Variants in SLC5A10 observed in about 807,000 individuals in gnomAD.
SLC5A10 encodes the protein solute carrier family 5 member 10, also known as sodium/mannose cotransporter SLC5A10.
A neutral mutation model predicts 68.9 loss-of-function variants in SLC5A10; 55 were observed. The ratio of observed to expected loss-of-function variants is 0.80; its 90% CI spans 0.64 to 1.00. SLC5A10 has a LOEUF of 1.00. Among genes scored for constraint, SLC5A10 ranks in the 50% least tolerant of loss-of-function variants. SLC5A10 has a pLI of 0.00. For synonymous variants in SLC5A10, 344 were observed against 344.8 expected (o/e 1.00, Z 0.02); for missense variants, 732 against 819.3 (o/e 0.89, Z 1.30).
Position 19,013,501 on chromosome 17 carries a change from G to A in SLC5A10, c.1074G>A (p.Met358Ile). The change falls in exon 10 of 15, where the codon ATG becomes ATA. Residue 358 changes from methionine (M) to isoleucine (I), a missense_variant. By Grantham distance (10) the Met-to-Ile change is conservative. Coordinates refer to ENST00000395645, the MANE Select transcript of SLC5A10 (RefSeq NM_001042450.4). ...ACATCGCCTACCCCAAGCTGGTCAT[G>A]GAACTGATGCCCATCGGTGAGGCTG... Reference protein sequence around the residue: ...CSNIAYPKLVMELMPIGLRGL... With the variant: ...CSNIAYPKLVIELMPIGLRGL... 1 of 1,514,068 alleles carries A rather than the reference G, an allele frequency of 6.6e-7. No homozygotes were observed. The highest frequency in any genetic ancestry group is 8.8e-7 in the Non-Finnish European group (1 of 1,131,286). 93.8% of individuals were successfully genotyped at this position (1,514,068 alleles called of 1,614,324 possible).
chr17:18,966,761 A>AAC (rs1401960125), intron 5 of SLC5A10, among the ~76,000 whole-genome samples: 2 of 147,392 alleles, frequency 1.4e-5, no homozygotes, highest in Non-Finnish European at 3.0e-5. Flanking sequence ...AAAAAAAAAA[A>AAC]AAAAACAACA....
chr17:18,966,816 G>T (rs920901693), intron 5 of SLC5A10, among the ~76,000 whole-genome samples: 19 of 152,140 alleles, frequency 1.2e-4, no homozygotes, highest in African/African-American at 4.3e-4. Context: ...GCACAGAGGA[G>T]AGCTGGCTAT....
In SLC5A10 at chr17:19,017,357, G is replaced by C. The variant is rs1214145545; in HGVS notation, c.1242-2066G>C. 1.9e-6 allele frequency: 3 copies of C among 1,551,948 alleles called. No homozygotes were observed. The East Asian group carries it at 7.3e-5, about 38-fold the overall frequency. On this transcript the variant is annotated intron_variant, in intron 11 of 14. Coordinates refer to ENST00000395645, the MANE Select transcript of SLC5A10 (RefSeq NM_001042450.4). This position sits in a 1 kb window ranked among gnomAD's most constrained non-coding sequence, Gnocchi z 5.6. ...CCTCCTGCCCGAAACACCACCATTG[G>C]AGCGGTATCTCCTAGGCCTCGTGGT...
chr17:19,009,019 C>A (rs1201444021), intron 9 of SLC5A10, among the ~76,000 whole-genome samples: 1 of 151,202 alleles, frequency 6.6e-6, no homozygotes, highest in Non-Finnish European at 1.5e-5. Context: ...CACCATCTTG[C>A]CCAGGCTGGT....
chr17:19,020,530 C>T lies in SLC5A10; in HGVS notation c.*99C>T. On this transcript the variant is annotated 3_prime_UTR_variant, in exon 15 of 15. Transcript: ENST00000395645. ...GGCCCCAAGAGGGGCAGATTCCCCTCACAGCTGCACAGCAGCTCGGTGCCC... is the reference window on the plus strand; with the variant it reads ...GGCCCCAAGAGGGGCAGATTCCCCTTACAGCTGCACAGCAGCTCGGTGCCC... 1 of 1,114,504 alleles carries T rather than the reference C, an allele frequency of 9.0e-7. No individual in the cohort carries two copies. Among genetic ancestry groups the T allele is most frequent in the Admixed American group, 2.2e-5 (1 of 44,490 alleles). 69.0% of individuals were successfully genotyped at this position (1,114,504 alleles called of 1,614,324 possible).
At chr17:18,978,926 G>C (rs771319857) in intron 9 of SLC5A10, 1 of 1,533,032 alleles carries the variant, frequency 6.5e-7, no homozygotes, top group East Asian at 2.3e-5. Flanking sequence ...ACCCATAGCC[G>C]CTGGGCCTCA....
At chr17:18,977,504 C>G in intron 9 of SLC5A10, 1 of 1,377,658 alleles carries the variant, frequency 7.3e-7, no homozygotes, top group Non-Finnish European at 9.9e-7. Context: ...ACATGGTAGC[C>G]CAGAAGACAA....
intron 9 of SLC5A10, among the ~76,000 whole-genome samples, chr17:19,011,791 CACTGCCAGGGTAGGGGGG>C (rs376281083): frequency 4.0e-5 from 6 of 151,310 alleles, no homozygotes; most frequent in African/African-American, 1.5e-4. Context: ...GGGTAGGGGA[CACTGCCAGGGTAGGGGGG>C]ACTGCCAGGG....
chr17:18,999,342 C>T (rs2043662692), intron 9 of SLC5A10, among the ~76,000 whole-genome samples: 1 of 151,934 alleles, frequency 6.6e-6, no homozygotes, highest in African/African-American at 2.4e-5. Flanking sequence ...AGCAGTGAGG[C>T]TCTGGTGCTC....
chr17:18,990,281 C>T (rs776539386), intron 9 of SLC5A10, among the ~76,000 whole-genome samples: 5 of 152,152 alleles, frequency 3.3e-5, no homozygotes, highest in African/African-American at 1.2e-4. Context: ...AGAGAAGACA[C>T]GATGCAGGCA....
At chr17:18,962,111 AC>A (rs980154423) in intron 5 of SLC5A10, among the ~76,000 whole-genome samples, 1 of 151,668 alleles carries the variant, frequency 6.6e-6, no homozygotes, top group African/African-American at 2.4e-5. Flanking sequence ...CATGCCAGCC[AC>A]CCCCATGCCA....
chr17:18,954,440 G>C (rs2042445860), intron 1 of SLC5A10, among the ~76,000 whole-genome samples: 1 of 152,216 alleles, frequency 6.6e-6, no homozygotes, highest in South Asian at 2.1e-4. Context: ...CCTGGAAGTA[G>C]GGCTGTAGGA....
intron 5 of SLC5A10, among the ~76,000 whole-genome samples, chr17:18,962,172 G>C (rs945880178): frequency 6.6e-6 from 1 of 152,186 alleles, no homozygotes; most frequent in African/African-American, 2.4e-5. Context: ...ACCTGGCCCT[G>C]GTCTGCCAGG....
At chr17:18,980,486 C>T (rs1012561268) in intron 9 of SLC5A10, among the ~76,000 whole-genome samples, 3 of 152,296 alleles carry the variant, frequency 2.0e-5, no homozygotes, top group East Asian at 1.9e-4. Flanking sequence ...AAGGCCAGGT[C>T]GTCACCGGCC....
upstream of SLC5A10, chr17:18,950,785 G>T: frequency 1.4e-6 from 1 of 713,970 alleles, no homozygotes; most frequent in Non-Finnish European, 1.7e-6. Context: ...GCGCAGTCTT[G>T]GCTCACTGCA....
At chr17:18,979,205 G>A (rs1207726841) in intron 9 of SLC5A10, 1 of 466,050 alleles carries the variant, frequency 2.1e-6, no homozygotes, top group Non-Finnish European at 3.9e-6. Context: ...TGTAACCATG[G>A]GCAGCGCCCA....
chr17:18,984,569 A>G (rs563536117), intron 9 of SLC5A10, among the ~76,000 whole-genome samples: 1 of 152,304 alleles, frequency 6.6e-6, no homozygotes, highest in African/African-American at 2.4e-5. Context: ...GTTCATCAGA[A>G]ACGGGAAACG....
At position 18,971,573 on chromosome 17, in the gene SLC5A10, C is replaced by A. The variant is rs769798616; in HGVS notation, c.846+355C>A. 1 of 1,613,480 alleles carries A rather than the reference C, an allele frequency of 6.2e-7. No individual in the cohort carries two copies. Among genetic ancestry groups the A allele is most frequent in the African/African-American group, 1.3e-5 (1 of 74,892 alleles). On this transcript the variant is annotated intron_variant, in intron 8 of 14. Coordinates refer to ENST00000395645, the MANE Select transcript of SLC5A10 (RefSeq NM_001042450.4). The surrounding 1 kb of genome is among the most constrained non-coding windows in gnomAD (Gnocchi z 5.5). ...TGGGCTGCCGGGATCCGGAAGCAGG[C>A]GGGGTACCTGACCTCCCTTGGCCTG...
At chr17:18,978,157 G>T in intron 9 of SLC5A10, 4 of 1,530,242 alleles carry the variant, frequency 2.6e-6, no homozygotes, top group Non-Finnish European at 3.5e-6. Context: ...GCTTGGGCAC[G>T]GGGGGCAATG....
Sources: allele counts gnomAD v4.1 joint callset (sites outside exome capture counted in the v4.1 genomes callset), GRCh38; gene constraint gnomAD v4.1.1; non-coding constraint Gnocchi (gnomAD v3.1); transcripts MANE v1.5; gene names NCBI Gene and HGNC (gene_info 2026-07-23, HGNC 2026-07-21).